BOP1: variants seen among roughly 807,000 people sequenced by gnomAD.
The protein encoded by BOP1 is BOP1 ribosomal biogenesis factor, also known as ribosome biogenesis protein BOP1.
BOP1 carries 54 observed loss-of-function variants against 82.9 expected under a neutral mutation model. That is an observed-to-expected ratio of 0.65 (90% confidence interval 0.52 to 0.82). BOP1 has a LOEUF of 0.82. Ranked by LOEUF, BOP1 falls within the 40% of genes least tolerant of loss-of-function variation. BOP1 has a pLI of 0.00. For synonymous variants in BOP1, 566 were observed against 451.1 expected, an observed-to-expected ratio of 1.25 and a Z score of -3.23; for missense variants, 1,170 against 1,072.0, an observed-to-expected ratio of 1.09 and a Z score of -1.28.
At chr8:144,288,974 A>C (rs1564604759) in intron 2 of BOP1, 121 bp downstream of exon 2, 1 of 1,069,498 alleles carries the variant, frequency 9.4e-7, no homozygotes, top group Non-Finnish European at 1.4e-6. Context: ...GCAGTGAAGG[A>C]GGGACGCCGG....
At chr8:144,268,196 G>C (rs1365202999) in intron 3 of BOP1, 1 of 1,547,822 alleles carries the variant, frequency 6.5e-7, no homozygotes, top group Non-Finnish European at 8.7e-7. Flanking sequence ...GTGGACGCCC[G>C]GGGTGACTGC....
At position 144,263,861 on chromosome 8, in the gene BOP1, G is replaced by A; in HGVS notation, c.1191C>T (p.Asp397=). 1.9e-6 allele frequency: 3 copies of A among 1,611,538 alleles called. No individual in the cohort carries two copies. Among genetic ancestry groups the A allele is most frequent in the Non-Finnish European group, 2.5e-6 (3 of 1,179,664 alleles). ...DLIPKLPRPR[D]LQPFPTCQAL... is the part of the protein sequence containing the mutation. Reference sequence around the variant, plus strand: ...CCTGGCACGTGGGGAAGGGCTGCAGGTCCCTCGGCCGAGGCAGCTTGGGGA... The same window carrying A: ...CCTGGCACGTGGGGAAGGGCTGCAGATCCCTCGGCCGAGGCAGCTTGGGGA... The change falls in exon 9 of 16, where the codon GAC becomes GAT. Residue 397 remains aspartate (D), a synonymous_variant. Coordinates refer to ENST00000569669, the MANE Select transcript of BOP1 (RefSeq NM_015201.5).
At chr8:144,268,035 G>A (rs1845418905) in intron 3 of BOP1, 5 of 1,548,182 alleles carry the variant, frequency 3.2e-6, no homozygotes. Flanking sequence ...CACCCAGCAG[G>A]GAGGCCAGAG....
In BOP1 at chr8:144,267,203, C is replaced by T. The variant is rs959642199; in HGVS notation, c.391-2132G>A. 60 of 1,494,752 alleles carry T rather than the reference C, an allele frequency of 4.0e-5. No homozygotes were observed. In the East Asian group the frequency reaches 1.5e-3, roughly 38 times the overall value. 92.6% of individuals were successfully genotyped at this position (1,494,752 alleles called of 1,614,324 possible). A position where few individuals can be genotyped will look rare whatever the true frequency, so the allele number is the denominator to read the frequency against. ...TTGGTGAGCACGGGCCGTGGGGCGC[C>T]GAGGGGGGCCTCCAACGCGCCCCTC... On this transcript the variant is annotated intron_variant, in intron 3 of 15. Transcript: ENST00000569669.
intron 2 of BOP1, among the ~76,000 whole-genome samples, chr8:144,277,157 GC>G (rs1845579963): frequency 6.6e-6 from 1 of 151,886 alleles, no homozygotes; most frequent in Non-Finnish European, 1.5e-5. Context: ...AGGCGGGCAC[GC>G]CCCCGCCCCC....
At chr8:144,265,447 A>G (rs1006814922) in intron 3 of BOP1, 3,528 of 345,610 alleles carry the variant, frequency 0.01, 107 homozygotes, top group African/African-American at 0.065. Flanking sequence ...GTGGGCAGCT[A>G]TAAGACGGGG....
intron 3 of BOP1, among the ~76,000 whole-genome samples, chr8:144,269,782 C>T (rs1054406339): frequency 4.6e-5 from 7 of 152,298 alleles, no homozygotes; most frequent in South Asian, 2.1e-4. Flanking sequence ...TAGGGGCTGA[C>T]GCAGCCCCTT....
chr8:144,269,636 C>T (rs1044868574), intron 3 of BOP1, among the ~76,000 whole-genome samples: 7 of 152,208 alleles, frequency 4.6e-5, no homozygotes, highest in Non-Finnish European at 1.0e-4. Context: ...GAGAGAAACC[C>T]AACCCCAAAT....
intron 3 of BOP1, among the ~76,000 whole-genome samples, chr8:144,275,756 A>T (rs1165177442): frequency 1.3e-5 from 2 of 152,110 alleles, no homozygotes; most frequent in African/African-American, 2.4e-5. Context: ...GGACATTAGG[A>T]GGTGGCCCTG....
intron 2 of BOP1, among the ~76,000 whole-genome samples, chr8:144,278,518 G>C (rs1173422296): frequency 6.6e-6 from 1 of 152,230 alleles, no homozygotes; most frequent in Non-Finnish European, 1.5e-5. Flanking sequence ...TCACCTCCTG[G>C]GAGAGGATGG....
chr8:144,262,853 C>T lies in BOP1; in HGVS notation c.1894G>A (p.Gly632Ser). Residue 632 changes from glycine (G) to serine (S), a missense_variant and splice_region_variant, in exon 13 of 16, where the codon GGT (glycine) becomes AGT (serine). Physicochemically the swap from Gly to Ser is moderately conservative, Grantham distance 56. Coordinates refer to ENST00000569669, the MANE Select transcript of BOP1 (RefSeq NM_015201.5). ...WVSSLAVHPAGDNVICGSYDS... is the reference protein window; with the variant it reads ...WVSSLAVHPASDNVICGSYDS... ...AGGGTGCACCGCCCCCACCCCTCAC[C>T]TGCAGGGTGCACCGCCAGGCTGGAC... 1 of 1,489,210 alleles carries T rather than the reference C, an allele frequency of 6.7e-7. No homozygotes were observed. Among genetic ancestry groups the T allele is most frequent in the Non-Finnish European group, 8.9e-7 (1 of 1,119,630 alleles). The allele number at this position is 1,489,210 out of a possible 1,614,324, so 92.2% of individuals were successfully genotyped here.
intron 14 of BOP1, 36 bp downstream of exon 14, chr8:144,262,552 G>T: frequency 2.5e-6 from 4 of 1,612,738 alleles, no homozygotes; most frequent in Non-Finnish European, 3.4e-6. Flanking sequence ...GAAGGGAGGG[G>T]CTCTGCTGGC....
At chr8:144,287,363 A>C (rs1554839588) in intron 2 of BOP1, among the ~76,000 whole-genome samples, 1 of 152,210 alleles carries the variant, frequency 6.6e-6, no homozygotes, top group Non-Finnish European at 1.5e-5. Flanking sequence ...CCTTAATTTA[A>C]AAAGGGACAG....
intron 3 of BOP1, among the ~76,000 whole-genome samples, chr8:144,273,415 C>T (rs887402726): frequency 2.6e-5 from 4 of 151,664 alleles, no homozygotes; most frequent in African/African-American, 7.3e-5. Flanking sequence ...TCGTGGGGGA[C>T]GGCCCCAGGC....
intron 3 of BOP1, chr8:144,265,342 T>G (rs1845336014): frequency 1.8e-6 from 1 of 563,100 alleles, no homozygotes; most frequent in East Asian, 3.0e-5. Flanking sequence ...AGCTCCCCCC[T>G]CACTGGATTC....
chr8:144,265,046 A>AC lies in BOP1; in HGVS notation c.415dup (p.Val139GlyfsTer8). ...GAAGTCATCGTACCACTCCAAGGGCACGTTGCCCACCGTGTTCCGGATGTC... is the reference window on the plus strand; with the variant it reads ...GAAGTCATCGTACCACTCCAAGGGCACCGTTGCCCACCGTGTTCCGGATGTC... On this transcript the variant is annotated frameshift_variant, in exon 4 of 16. Coordinates refer to ENST00000569669, the MANE Select transcript of BOP1 (RefSeq NM_015201.5). LOFTEE classifies it high-confidence loss of function. 6.2e-7 allele frequency: 1 copy of AC among 1,611,568 alleles called. No individual in the cohort carries two copies. The highest frequency in any genetic ancestry group is 8.5e-7 in the Non-Finnish European group (1 of 1,179,370).
chr8:144,284,188 C>A (rs1174176136), intron 2 of BOP1, among the ~76,000 whole-genome samples: 1 of 152,064 alleles, frequency 6.6e-6, no homozygotes, highest in Non-Finnish European at 1.5e-5. Flanking sequence ...GTCCCAGCTA[C>A]CAGGGAGGCT....
Position 144,264,506 on chromosome 8 carries a change from G to A in BOP1, c.765+9C>T, listed in dbSNP as rs934848921. 5 of 1,609,322 alleles carry A rather than the reference G, an allele frequency of 3.1e-6. No individual in the cohort carries two copies. The highest frequency in any genetic ancestry group is 2.2e-5 in the East Asian group (1 of 44,818). ...GCCCAGGCCAAGCCCCAGGGGCTGT[G>A]TGCCCCACCTTCTCCTTCTCCACCA... On this transcript the variant is annotated intron_variant, in intron 6 of 15. Coordinates refer to ENST00000569669, the MANE Select transcript of BOP1 (RefSeq NM_015201.5).
At position 144,264,989 on chromosome 8, in the gene BOP1, C is replaced by T. The variant is rs1435772457; in HGVS notation, c.473G>A (p.Arg158His). 16 of 1,612,416 alleles carry T rather than the reference C, an allele frequency of 9.9e-6. No homozygotes were observed. The highest frequency in any genetic ancestry group is 2.7e-5 in the African/African-American group (2 of 75,024). ...CCGGGTCCGCAGGGGCTTGTAGATG[C>T]GCCTGCCATCCAGGTCGTAGCCCAC... ...PHVGYDLDGR[R>H]IYKPLRTRDE... The change falls in exon 4 of 16, where the codon CGC becomes CAC. Residue 158 changes from arginine (R) to histidine (H), a missense_variant. By Grantham distance (29) the Arg-to-His change is conservative. Transcript: ENST00000569669.
Sources: gnomAD v4.1 joint callset for allele counts (sites outside exome capture counted in the v4.1 genomes callset) on GRCh38, gnomAD v4.1.1 for gene constraint, MANE v1.5 for transcripts, NCBI Gene and HGNC (gene_info 2026-07-23, HGNC 2026-07-21) for gene names.